Variants in COX7B observed in about 807,000 individuals in gnomAD.
The protein encoded by COX7B is cytochrome c oxidase subunit 7B, also known as cytochrome c oxidase subunit 7B, mitochondrial.
A neutral mutation model predicts 7.9 loss-of-function variants in COX7B; 2 were observed. The observed-to-expected ratio is 0.25, with a 90% CI of 0.10 to 0.79. COX7B has a LOEUF of 0.79. COX7B is among the 30% of genes least tolerant of loss of function. COX7B has a pLI of 0.69. For missense variants in COX7B, 54 were observed against 62.7 expected, an observed-to-expected ratio of 0.86 and a Z score of 0.47; for synonymous variants, 19 against 21.1, an observed-to-expected ratio of 0.90 and a Z score of 0.27.
At chrX:77,900,577 C>T (rs1381233639) in intron 1 of COX7B, among the ~76,000 whole-genome samples, 1 of 111,999 alleles carries the variant, frequency 8.9e-6, no homozygotes, top group East Asian at 2.8e-4. Flanking sequence ...GAAGGTGACC[C>T]GTAATTACTA....
At position 77,906,984 on chromosome X, in the gene COX7B, G is replaced by T. The variant is rs1464077918; in HGVS notation, c.*1723G>T. The T allele has an allele frequency of 1.9e-5, 2 of 107,134 alleles. No individual in the cohort carries two copies. Among genetic ancestry groups the T allele is most frequent in the Admixed American group, 1.0e-4 (1 of 10,021 alleles). 8.8% of individuals were successfully genotyped at this position (107,134 alleles called of 1,213,427 possible). A position where few individuals can be genotyped will look rare whatever the true frequency, so the allele number is the denominator to read the frequency against. On this transcript the variant is annotated 3_prime_UTR_variant, in exon 3 of 3. Transcript: ENST00000650309. The stretch of plus-strand genomic sequence containing the variant: ...TAGTCTGTGGTAGTTGTTTTGTTTT[G>T]TTTTTTGTTTTTTTTTTGTAGTTTT...
chrX:77,899,637 A>C, intron 1 of COX7B, 44 bp downstream of exon 1: 3 of 1,157,681 alleles, frequency 2.6e-6, no homozygotes, highest in Non-Finnish European at 2.4e-6. Flanking sequence ...ACCTTATATC[A>C]ATGTGTCCTC....
intron 1 of COX7B, among the ~76,000 whole-genome samples, chrX:77,900,345 A>G (rs539382466): frequency 1.8e-5 from 2 of 112,437 alleles, no homozygotes; most frequent in South Asian, 7.3e-4. Flanking sequence ...AGCCTGGGCA[A>G]CAAGAGCGGG....
chrX:77,900,603 C>T (rs1304383022), intron 1 of COX7B, among the ~76,000 whole-genome samples: 2 of 112,424 alleles, frequency 1.8e-5, no homozygotes, highest in Non-Finnish European at 3.8e-5. Context: ...TTTGTTTAGC[C>T]ATCTTTTGAT....
intron 2 of COX7B, among the ~76,000 whole-genome samples, chrX:77,903,679 T>A (rs1467334718): frequency 9.0e-6 from 1 of 111,325 alleles, no homozygotes; most frequent in Non-Finnish European, 1.9e-5. Flanking sequence ...CTATCAGTAA[T>A]TTTTTTGTTC....
intron 1 of COX7B, among the ~76,000 whole-genome samples, chrX:77,901,271 G>A (rs1407349867): frequency 9.5e-6 from 1 of 104,945 alleles, no homozygotes; most frequent in Admixed American, 1.0e-4. Flanking sequence ...TTGAGACAAA[G>A]TTTCGCTCTT....
chrX:77,899,670 T>C, intron 1 of COX7B, 77 bp downstream of exon 1: 1 of 970,592 alleles, frequency 1.0e-6, no homozygotes, highest in Non-Finnish European at 1.5e-6. Context: ...GTGCTTTCCT[T>C]TTACGAACAT....
In COX7B at chrX:77,906,662, CTG is replaced by C. The variant is rs2077135952; in HGVS notation, c.*1403_*1404del. On this transcript the variant is annotated 3_prime_UTR_variant, in exon 3 of 3. Transcript: ENST00000650309. ...TTCTTTTTTGAGATGAAGTCTCACT[CTG>C]TTGCCCAGGCTGGAGTGCAGTGGTG... 8.9e-6 allele frequency: 1 copy of C among 111,855 alleles called. No individual in the cohort carries two copies. Among genetic ancestry groups the C allele is most frequent in the Admixed American group, 9.5e-5 (1 of 10,488 alleles). 9.2% of individuals were successfully genotyped at this position (111,855 alleles called of 1,213,427 possible).
intron 1 of COX7B, among the ~76,000 whole-genome samples, 182 bp downstream of exon 1, chrX:77,899,775 T>C (rs1383179745): frequency 9.0e-6 from 1 of 111,159 alleles, no homozygotes; most frequent in African/African-American, 3.3e-5. Flanking sequence ...CCAGTATTTC[T>C]GTTTCGGTTT....
chrX:77,899,539 A>G lies in COX7B; in HGVS notation c.-15A>G. On this transcript the variant is annotated 5_prime_UTR_variant, in exon 1 of 3. Coordinates refer to ENST00000650309, the MANE Select transcript of COX7B (RefSeq NM_001866.3). ...GCAGCAGCTGTATTGCCGCAGTTCT[A>G]GCTTCACCTTCACGATGTTTCCCTT... The G allele has an allele frequency of 8.3e-7, 1 of 1,211,325 alleles. No individual in the cohort carries two copies. Among genetic ancestry groups the G allele is most frequent in the East Asian group, 3.0e-5 (1 of 33,873 alleles).
chrX:77,899,542 T>C lies in COX7B; in HGVS notation c.-12T>C. 8.3e-7 allele frequency: 1 copy of C among 1,211,312 alleles called. No homozygotes were observed. The highest frequency in any genetic ancestry group is 1.1e-6 in the Non-Finnish European group (1 of 895,251). On this transcript the variant is annotated 5_prime_UTR_variant, in exon 1 of 3. Transcript: ENST00000650309. ...GCAGCTGTATTGCCGCAGTTCTAGC[T>C]TCACCTTCACGATGTTTCCCTTGGT...
chrX:77,901,310 A>T (rs1235437578), intron 1 of COX7B, among the ~76,000 whole-genome samples: 1 of 107,467 alleles, frequency 9.3e-6, no homozygotes, highest in Non-Finnish European at 1.9e-5. Context: ...CAGTGGCTCA[A>T]TCTTGGTTCA....
Position 77,907,309 on chromosome X carries a change from A to G in COX7B, c.*2048A>G, listed in dbSNP as rs782583898. The G allele has an allele frequency of 2.6e-4, 29 of 112,423 alleles. No homozygotes were observed. Among genetic ancestry groups the G allele is most frequent in the Admixed American group, 8.5e-4 (9 of 10,542 alleles). The allele number at this position is 112,423 out of a possible 1,213,427, so 9.3% of individuals were successfully genotyped here. ...ATAGTACTGAAGTATTCAAATACAT[A>G]CAACCCTGAGCGATATTGAAGTAAA... On this transcript the variant is annotated 3_prime_UTR_variant, in exon 3 of 3. Transcript: ENST00000650309.
At chrX:77,903,936 G>GTTTTT (rs781838016) in intron 2 of COX7B, among the ~76,000 whole-genome samples, 1 of 84,037 alleles carries the variant, frequency 1.2e-5, no homozygotes, top group African/African-American at 4.3e-5. Context: ...TTTGTTTTTT[G>GTTTTT]TTTTTTTTTT....
chrX:77,902,850 G>A, intron 2 of COX7B, 83 bp downstream of exon 2: 1 of 951,150 alleles, frequency 1.1e-6, no homozygotes, highest in East Asian at 3.1e-5. Context: ...ACATAGTAGT[G>A]TACATATCTA....
rs2149033638 is a variant in COX7B, at chrX:77,902,770, A to G, written c.165+3A>G. The G allele has an allele frequency of 1.7e-6, 2 of 1,202,566 alleles. No homozygotes were observed. Among genetic ancestry groups the G allele is most frequent in the South Asian group, 3.6e-5 (2 of 56,076 alleles). On this transcript the variant is annotated splice_donor_region_variant and intron_variant, in intron 2 of 2. Transcript: ENST00000650309. ...TCTGTATTGTTACATGGACATATGT[A>G]AGTACTATTGATTAATAATTTCTGT... is the stretch of plus-strand genomic sequence containing the variant.
At chrX:77,902,194 CTT>C in intron 1 of COX7B, among the ~76,000 whole-genome samples, 1 of 111,902 alleles carries the variant, frequency 8.9e-6, no homozygotes, top group East Asian at 2.8e-4. Flanking sequence ...ATTGAGTAAA[CTT>C]TAATGAAAAT....
chrX:77,903,991 G>A (rs1196503029), intron 2 of COX7B, among the ~76,000 whole-genome samples: 27 of 97,375 alleles, frequency 2.8e-4, no homozygotes, highest in African/African-American at 1.0e-3. Context: ...GGAGTGCAGT[G>A]GCGCGATCTC....
Position 77,902,625 on chromosome X carries a change from T to C in COX7B, c.41-18T>C. The C allele has an allele frequency of 8.3e-7, 1 of 1,207,932 alleles. No homozygotes were observed. On this transcript the variant is annotated intron_variant, in intron 1 of 2. Transcript: ENST00000650309. ...ATTGATAATATGCTTCTGTATTCTT[T>C]TTTCGTTTTCCTGTAAGTTCGAAGC...
Sources: gnomAD v4.1 joint callset for allele counts (sites outside exome capture counted in the v4.1 genomes callset) on GRCh38, gnomAD v4.1.1 for gene constraint, MANE v1.5 for transcripts, NCBI Gene and HGNC (gene_info 2026-07-23, HGNC 2026-07-21) for gene names.